The following TNKS variants were observed in gnomAD, a reference collection of about 807,000 sequenced individuals.
TNKS encodes the protein tankyrase.
In TNKS, 72 loss-of-function variants were observed where a neutral mutation model predicts 135.8. The ratio of observed to expected loss-of-function variants is 0.53; its 90% CI spans 0.44 to 0.64. The LOEUF is 0.64. Among genes scored for constraint, TNKS ranks in the 30% least tolerant of loss-of-function variants. The pLI is 0.00. For missense variants in TNKS, 1,769 were observed against 1,674.0 expected, an observed-to-expected ratio of 1.06 and a Z score of -0.99; for synonymous variants, 849 against 649.3, an observed-to-expected ratio of 1.31 and a Z score of -4.68.
Position 9,577,249 on chromosome 8 carries a change from C to G in TNKS, c.674-2910C>G, listed in dbSNP as rs535711606. On this transcript the variant is annotated intron_variant, in intron 1 of 26. Transcript: ENST00000310430. Reference sequence around the variant, plus strand: ...TAAATGTATACCTATTGATCTAGTACTACTACTTTGAGGCATTTATCTTAA... The same window carrying G: ...TAAATGTATACCTATTGATCTAGTAGTACTACTTTGAGGCATTTATCTTAA... Among the ~76,000 whole-genome samples the G allele has an allele frequency of 3.3e-5, 5 of 151,862 alleles. No homozygotes were observed. In the East Asian group the frequency reaches 7.7e-4, roughly 23 times the overall value.
chr8:9,560,493 CTTTTTTT>C (rs535715245), intron 1 of TNKS, among the ~76,000 whole-genome samples: 3 of 42,286 alleles, frequency 7.1e-5, no homozygotes, highest in Non-Finnish European at 1.2e-4. Context: ...CCATACTTGT[CTTTTTTT>C]TTTTTTTTTT....
intron 5 of TNKS, among the ~76,000 whole-genome samples, chr8:9,701,332 A>C (rs1268534927): frequency 1.3e-5 from 2 of 152,202 alleles, no homozygotes; most frequent in East Asian, 1.9e-4. Context: ...TACTGAATGA[A>C]CTTTATACAA....
chr8:9,562,265 T>C (rs1797368590), intron 1 of TNKS, among the ~76,000 whole-genome samples: 2 of 152,190 alleles, frequency 1.3e-5, no homozygotes, highest in African/African-American at 4.8e-5. Flanking sequence ...AATGTGCTAA[T>C]ATTTTCTCCC....
chr8:9,767,712 C>A (rs1337061609), intron 25 of TNKS, among the ~76,000 whole-genome samples: 1 of 152,088 alleles, frequency 6.6e-6, no homozygotes, highest in Non-Finnish European at 1.5e-5. Context: ...GTAATCCCAG[C>A]ACTTTGGGAG....
intron 12 of TNKS, 131 bp downstream of exon 12, chr8:9,720,676 G>A: frequency 9.7e-7 from 1 of 1,034,194 alleles, no homozygotes; most frequent in East Asian, 2.8e-5. Flanking sequence ...TTAGCCTGTG[G>A]ACTTCCCCAT....
chr8:9,678,204 C>G (rs1802626810), intron 3 of TNKS, among the ~76,000 whole-genome samples: 1 of 152,172 alleles, frequency 6.6e-6, no homozygotes, highest in African/African-American at 2.4e-5. Flanking sequence ...TTTATAGATA[C>G]ATTGCGTAAT....
intron 3 of TNKS, among the ~76,000 whole-genome samples, chr8:9,660,368 A>G (rs1801636302): frequency 6.6e-6 from 1 of 152,186 alleles, no homozygotes; most frequent in Non-Finnish European, 1.5e-5. Context: ...ATCCAGCAAC[A>G]CATCAAAAAG....
intron 22 of TNKS, among the ~76,000 whole-genome samples, chr8:9,763,649 T>C (rs891606938): frequency 2.6e-5 from 4 of 152,216 alleles, no homozygotes; most frequent in Admixed American, 6.5e-5. Context: ...TAAAATAATA[T>C]GCCTAATCGT....
At chr8:9,567,506 C>T (rs891450151) in intron 1 of TNKS, among the ~76,000 whole-genome samples, 1 of 152,216 alleles carries the variant, frequency 6.6e-6, no homozygotes, top group African/African-American at 2.4e-5. Context: ...AGCTCTGCCT[C>T]CCGGGTTCAC....
rs139647169 is a variant in TNKS, at chr8:9,750,638, A to C, written c.2833-971A>C. 2.1e-3 allele frequency among the ~76,000 whole-genome samples: 319 copies of C among 152,210 alleles called. 2 individuals carry two copies. Among genetic ancestry groups the C allele is most frequent in the African/African-American group, 7.2e-3 (300 of 41,550 alleles). ...TAACCAGGCCACCCTTCACGCCTCC[A>C]ACCAAAGCCACATGTCCACCAGCAC... On this transcript the variant is annotated intron_variant, in intron 18 of 26. Transcript: ENST00000310430.
intron 12 of TNKS, among the ~76,000 whole-genome samples, chr8:9,722,744 C>T (rs755743181): frequency 1.2e-4 from 18 of 151,890 alleles, no homozygotes; most frequent in Admixed American, 3.3e-4. Context: ...CATTTAGTAC[C>T]GAATTTTAAG....
chr8:9,709,342 C>T (rs1259139182), intron 9 of TNKS, among the ~76,000 whole-genome samples: 2 of 151,978 alleles, frequency 1.3e-5, no homozygotes, highest in Non-Finnish European at 2.9e-5. Context: ...TAAACCTGAC[C>T]CACTTTTTTG....
Position 9,580,371 on chromosome 8 carries a change from G to A in TNKS, c.886G>A (p.Asp296Asn), listed in dbSNP as rs1798120984. 2 of 1,613,724 alleles carry A rather than the reference G, an allele frequency of 1.2e-6. No homozygotes were observed. Among genetic ancestry groups the A allele is most frequent in the Non-Finnish European group, 1.7e-6 (2 of 1,179,884 alleles). ...LHEAAIKGKI[D>N]VCIVLLQHGA... ...TGAAGCTGCTATTAAAGGGAAGATC[G>A]ATGTGTGCATTGGTAAGTATCATTT... Residue 296 changes from aspartate to asparagine, a missense_variant, in exon 2 of 27, where the codon GAT (aspartate) becomes AAT (asparagine). Around this residue, in one of 5 missense-constraint regions of TNKS, gnomAD observed 523 missense variants for 541.0 expected, o/e 0.97. Coordinates refer to ENST00000310430, the MANE Select transcript of TNKS (RefSeq NM_003747.3).
chr8:9,771,098 G>T (rs373212455), intron 26 of TNKS, among the ~76,000 whole-genome samples: 98 of 151,856 alleles, frequency 6.5e-4, no homozygotes, highest in African/African-American at 2.3e-3. Context: ...ATAAGCATGT[G>T]TGTGTATATG....
chr8:9,566,992 C>G (rs926852111), intron 1 of TNKS, among the ~76,000 whole-genome samples: 1 of 152,132 alleles, frequency 6.6e-6, no homozygotes, highest in Non-Finnish European at 1.5e-5. Flanking sequence ...ATCTGGTTGT[C>G]GTAAAATCAT....
At chr8:9,633,708 A>T (rs900513805) in intron 3 of TNKS, among the ~76,000 whole-genome samples, 1 of 152,208 alleles carries the variant, frequency 6.6e-6, no homozygotes, top group Admixed American at 6.5e-5. Flanking sequence ...CTTGCTCCGG[A>T]AGCAGCAAAC....
At chr8:9,702,459 G>T (rs1195847285) in intron 5 of TNKS, among the ~76,000 whole-genome samples, 1 of 152,054 alleles carries the variant, frequency 6.6e-6, no homozygotes, top group Non-Finnish European at 1.5e-5. Flanking sequence ...CAAAGATAAG[G>T]GTAACAGATT....
chr8:9,769,300 C>G (rs1351579205), intron 25 of TNKS, among the ~76,000 whole-genome samples: 2 of 152,200 alleles, frequency 1.3e-5, no homozygotes, highest in African/African-American at 4.8e-5. Flanking sequence ...AATAGACTTT[C>G]TTCCCAGTCA....
At chr8:9,586,720 AAC>A (rs1798390928) in intron 2 of TNKS, among the ~76,000 whole-genome samples, 1 of 130,578 alleles carries the variant, frequency 7.7e-6, no homozygotes, top group Non-Finnish European at 1.6e-5. Context: ...TTATATCTAA[AAC>A]GTGTGTGTGT....
Sources: gnomAD v4.1 joint callset for allele counts (sites outside exome capture counted in the v4.1 genomes callset) on GRCh38, gnomAD v4.1.1 for gene constraint, gnomAD v4.1.1 regional missense constraint, MANE v1.5 for transcripts, NCBI Gene and HGNC (gene_info 2026-07-23, HGNC 2026-07-21) for gene names.